CCDC33: variants seen among roughly 807,000 people sequenced by gnomAD.
CCDC33 encodes coiled-coil domain containing 33.
In CCDC33, 94 loss-of-function variants were observed where a neutral mutation model predicts 91.9. That is an observed-to-expected ratio of 1.02 (90% CI 0.87 to 1.21). CCDC33 has a LOEUF of 1.21. CCDC33 is among the 50% of genes most tolerant of loss of function. CCDC33 has a pLI of 0.00. For synonymous variants in CCDC33, 396 were observed against 374.5 expected, an observed-to-expected ratio of 1.06 and a Z score of -0.66; for missense variants, 940 against 935.5, an observed-to-expected ratio of 1.00 and a Z score of -0.06.
intron 6 of CCDC33, among the ~76,000 whole-genome samples, chr15:74,272,262 C>T (rs996690197): frequency 2.0e-5 from 3 of 152,012 alleles, no homozygotes; most frequent in Admixed American, 2.0e-4. Context: ...CTTGGAACTT[C>T]ACAGCCTTTA....
intron 8 of CCDC33, 122 bp downstream of exon 8, chr15:74,280,214 CG>C: frequency 8.1e-7 from 1 of 1,236,454 alleles, no homozygotes; most frequent in Non-Finnish European, 1.1e-6. Flanking sequence ...GGTGTCCAGG[CG>C]GCTTCCTAAT....
intron 2 of CCDC33, among the ~76,000 whole-genome samples, chr15:74,227,989 G>A (rs2074853239): frequency 6.6e-6 from 1 of 152,128 alleles, no homozygotes; most frequent in African/African-American, 2.4e-5. Flanking sequence ...AGGCGGGGGT[G>A]GGGGGATGGG....
chr15:74,216,917 T>C (rs998283177), upstream of CCDC33, among the ~76,000 whole-genome samples: 3 of 152,100 alleles, frequency 2.0e-5, no homozygotes, highest in African/African-American at 7.2e-5. Context: ...ATATTTAGTG[T>C]TTATTTTTGT....
chr15:74,295,399 G>C (rs2059665135), intron 10 of CCDC33, among the ~76,000 whole-genome samples: 1 of 152,218 alleles, frequency 6.6e-6, no homozygotes, highest in African/African-American at 2.4e-5. Context: ...ACTTTAGATA[G>C]AGTGGGCCTC....
chr15:74,221,080 C>T (rs980566580), intron 2 of CCDC33, among the ~76,000 whole-genome samples: 7 of 152,168 alleles, frequency 4.6e-5, no homozygotes, highest in Non-Finnish European at 1.0e-4. Context: ...GAAGCCTTCC[C>T]AGCATTGATT....
At chr15:74,288,275 T>C (rs1047754885) in intron 10 of CCDC33, among the ~76,000 whole-genome samples, 10 of 152,214 alleles carry the variant, frequency 6.6e-5, no homozygotes, top group African/African-American at 2.4e-4. Context: ...TCAGCCCTAC[T>C]GACATTTGCA....
rs2074473304 is a variant in CCDC33 at position 74,217,428 on chromosome 15, CT to C, written c.158del (p.Leu53ArgfsTer13). ...CCTGAGACTGTCAGCAGAGAACCCC[CT>C]GCAGGTGGGCTCTGGGGCTGGGGTG... On this transcript the variant is annotated frameshift_variant, in exon 1 of 3. Coordinates refer to the CCDC33 transcript ENST00000635913. LOFTEE classifies it high-confidence loss of function. 7.8e-7 allele frequency: 1 copy of C among 1,289,682 alleles called. No homozygotes were observed. The highest frequency in any genetic ancestry group is 1.5e-5 in the African/African-American group (1 of 65,860). The allele number at this position is 1,289,682 out of a possible 1,614,324, so 79.9% of individuals were successfully genotyped here.
At chr15:74,330,476 G>A (rs1180902775) in intron 12 of CCDC33, 122 bp downstream of exon 12, 4 of 1,227,362 alleles carry the variant, frequency 3.3e-6, no homozygotes, top group Admixed American at 5.0e-5. Context: ...TGGCAAATAG[G>A]AGCCCCTCGC....
At chr15:74,274,965 G>T (rs1227366640) in intron 7 of CCDC33, among the ~76,000 whole-genome samples, 6 of 152,268 alleles carry the variant, frequency 3.9e-5, no homozygotes, top group Non-Finnish European at 7.3e-5. Flanking sequence ...ACAGGAGCAG[G>T]CTGCTGTGGT....
intron 2 of CCDC33, among the ~76,000 whole-genome samples, chr15:74,249,824 G>A (rs1463773538): frequency 1.3e-5 from 2 of 152,080 alleles, no homozygotes; most frequent in Non-Finnish European, 2.9e-5. Context: ...TTTGGGTTTG[G>A]ACGGGTGAAT....
At chr15:74,318,089 GGT>G in intron 11 of CCDC33, among the ~76,000 whole-genome samples, 1 of 151,392 alleles carries the variant, frequency 6.6e-6, no homozygotes, top group East Asian at 1.9e-4. Flanking sequence ...GCTGCTGCGG[GGT>G]GGGGAGGACT....
intron 11 of CCDC33, among the ~76,000 whole-genome samples, chr15:74,298,730 T>TTG (rs2059736404): frequency 6.9e-6 from 1 of 144,744 alleles, no homozygotes; most frequent in African/African-American, 2.7e-5. Flanking sequence ...TTTTTTTTTT[T>TTG]TGAGACTGAG....
chr15:74,303,862 A>C (rs973011136), intron 11 of CCDC33: 9 of 152,322 alleles, frequency 5.9e-5, no homozygotes, highest in African/African-American at 1.7e-4. Flanking sequence ...CATGGCTGAG[A>C]ACACTCGCCA....
At chr15:74,279,887 A>G in intron 7 of CCDC33, 76 bp from the exon 8 acceptor site, 1 of 1,545,086 alleles carries the variant, frequency 6.5e-7, no homozygotes, top group South Asian at 1.2e-5. Context: ...TAGATACACA[A>G]AACCAAATAT....
At position 74,280,096 on chromosome 15, in the gene CCDC33, C is replaced by T. The variant is rs1013938969; in HGVS notation, c.889+4C>T. The T allele has an allele frequency of 8.7e-6, 14 of 1,613,908 alleles. No homozygotes were observed. Among genetic ancestry groups the T allele is most frequent in the Admixed American group, 8.3e-5 (5 of 60,012 alleles). ...GAGTACTACTCCTCAACTTCAAGTA[C>T]GTGACCCCTGGTGCCTCGCCAGGGC... On this transcript the variant is annotated splice_donor_region_variant and intron_variant, in intron 8 of 18. Transcript: ENST00000398814.
chr15:74,308,786 C>T (rs899737287), intron 11 of CCDC33, among the ~76,000 whole-genome samples: 8 of 152,106 alleles, frequency 5.3e-5, no homozygotes, highest in African/African-American at 1.7e-4. Context: ...CAGAGGGGCT[C>T]GGGGATTTGG....
At chr15:74,274,307 T>G (rs1376481181) in intron 7 of CCDC33, among the ~76,000 whole-genome samples, 4 of 152,188 alleles carry the variant, frequency 2.6e-5, no homozygotes, top group Non-Finnish European at 4.4e-5. Context: ...TTCAGGGGAA[T>G]AGCCAGATTG....
At chr15:74,305,716 C>T (rs971636355) in intron 11 of CCDC33, among the ~76,000 whole-genome samples, 2 of 152,226 alleles carry the variant, frequency 1.3e-5, no homozygotes, top group Non-Finnish European at 2.9e-5. Context: ...CATGCACCTA[C>T]TCATTCATTC....
At chr15:74,335,853 G>A in intron 18 of CCDC33, 72 bp from the exon 19 acceptor site, 15 of 1,188,948 alleles carry the variant, frequency 1.3e-5, no homozygotes, top group Non-Finnish European at 1.8e-5. Flanking sequence ...TGGTTTGTCA[G>A]GCAATATGCC....
Sources: allele counts gnomAD v4.1 joint callset (sites outside exome capture counted in the v4.1 genomes callset), GRCh38; gene constraint gnomAD v4.1.1; transcripts MANE v1.5; gene names NCBI Gene and HGNC (gene_info 2026-07-23, HGNC 2026-07-21).